The following PDE1A variants were observed in gnomAD, a reference collection of about 807,000 sequenced individuals.
PDE1A encodes dual specificity calcium/calmodulin-dependent 3',5'-cyclic nucleotide phosphodiesterase 1A.
A neutral mutation model predicts 61.7 loss-of-function variants in PDE1A; 35 were observed. The ratio of observed to expected loss-of-function variants is 0.57; its 90% CI spans 0.43 to 0.75. The LOEUF is 0.75. Among genes scored for constraint, PDE1A ranks in the 30% least tolerant of loss-of-function variants. The pLI, the probability that PDE1A is intolerant of heterozygous loss-of-function variation, is 0.00. For synonymous variants in PDE1A, 232 were observed against 213.2 expected, an observed-to-expected ratio of 1.09 and a Z score of -0.77; for missense variants, 597 against 630.6, an observed-to-expected ratio of 0.95 and a Z score of 0.57.
At chr2:182,548,792 G>A in the PDE1A span, among the ~76,000 whole-genome samples, 1 of 152,082 alleles carries the variant, frequency 6.6e-6, no homozygotes, top group Admixed American at 6.5e-5. Context: ...CATTCCCTCA[G>A]ATAGGTCATG....
At chr2:182,380,164 G>A (rs1345717946) in intron 1 of PDE1A, among the ~76,000 whole-genome samples, 1 of 135,802 alleles carries the variant, frequency 7.4e-6, no homozygotes, top group African/African-American at 2.7e-5. Flanking sequence ...AGGCTGGAGT[G>A]CAGTGGCACG....
intron 3 of PDE1A, among the ~76,000 whole-genome samples, chr2:182,236,001 G>A (rs1189595626): frequency 1.3e-5 from 2 of 152,128 alleles, no homozygotes; most frequent in Admixed American, 1.3e-4. Flanking sequence ...TGACTAGTTG[G>A]AAGTTCAGAA....
intron 1 of PDE1A, among the ~76,000 whole-genome samples, chr2:182,369,751 C>G (rs923476568): frequency 6.6e-6 from 1 of 152,002 alleles, no homozygotes; most frequent in African/African-American, 2.4e-5. Context: ...AGCCAAATTG[C>G]AGTGTCATAA....
chr2:182,304,258 T>C (rs1421771576), intron 1 of PDE1A, among the ~76,000 whole-genome samples: 1 of 152,168 alleles, frequency 6.6e-6, no homozygotes, highest in Non-Finnish European at 1.5e-5. Context: ...TTCTCACCTC[T>C]CTCTATCTTC....
At chr2:182,635,947 ATTTTT>A in the PDE1A span, among the ~76,000 whole-genome samples, 41 of 55,286 alleles carry the variant, frequency 7.4e-4, no homozygotes, top group Non-Finnish European at 9.0e-4. Context: ...TCTCACCGGT[ATTTTT>A]TTTTTTTTTT....
the PDE1A span, among the ~76,000 whole-genome samples, chr2:182,631,575 G>A: frequency 6.6e-6 from 1 of 152,056 alleles, no homozygotes; most frequent in African/African-American, 2.4e-5. Context: ...CATCTATCTG[G>A]GCACAATGAA....
At chr2:182,527,323 A>T (rs1559543382), upstream of PDE1A, among the ~76,000 whole-genome samples, 58 of 41,056 alleles carry the variant, frequency 1.4e-3, 1 homozygote, top group African/African-American at 5.8e-3. Context: ...AAAAAAAAAA[A>T]AAAAATATAT....
chr2:182,564,926 G>T, the PDE1A span, among the ~76,000 whole-genome samples: 1 of 152,076 alleles, frequency 6.6e-6, no homozygotes, highest in African/African-American at 2.4e-5. Flanking sequence ...GCACTTCTCT[G>T]TATTGGTTAT....
chr2:182,244,109 C>T (rs557987399), intron 2 of PDE1A, among the ~76,000 whole-genome samples: 133 of 152,168 alleles, frequency 8.7e-4, no homozygotes, highest in Admixed American at 2.3e-3. Context: ...TCAGGTGATC[C>T]GCCCGCCTTG....
chr2:182,154,410 T>G (rs1348275049), intron 13 of PDE1A, among the ~76,000 whole-genome samples: 2 of 152,204 alleles, frequency 1.3e-5, no homozygotes, highest in Non-Finnish European at 2.9e-5. Flanking sequence ...CATTCATCCT[T>G]ATTATGAATG....
intron 10 of PDE1A, among the ~76,000 whole-genome samples, chr2:182,193,936 C>T (rs956410008): frequency 5.3e-5 from 8 of 152,004 alleles, no homozygotes; most frequent in Admixed American, 1.3e-4. Flanking sequence ...TGAGAATGGA[C>T]TAAGTACATT....
At chr2:182,639,283 AAAGT>A in the PDE1A span, among the ~76,000 whole-genome samples, 31 of 152,336 alleles carry the variant, frequency 2.0e-4, no homozygotes, top group Non-Finnish European at 3.7e-4. Flanking sequence ...CTCAGGAAAG[AAAGT>A]GAGGATTAAA....
intron 2 of PDE1A, among the ~76,000 whole-genome samples, chr2:182,483,295 G>T (rs971049691): frequency 3.3e-5 from 5 of 151,952 alleles, no homozygotes; most frequent in Non-Finnish European, 5.9e-5. Context: ...AAATAAAGGG[G>T]TATAGAAGAC....
chr2:182,150,903 T>C (rs1690742020), intron 13 of PDE1A, among the ~76,000 whole-genome samples: 1 of 152,178 alleles, frequency 6.6e-6, no homozygotes, highest in African/African-American at 2.4e-5. Context: ...ATCAAGTGGA[T>C]ATTAGAGACT....
At chr2:182,461,023 T>C (rs1199636075) in intron 2 of PDE1A, among the ~76,000 whole-genome samples, 1 of 152,148 alleles carries the variant, frequency 6.6e-6, no homozygotes, top group Non-Finnish European at 1.5e-5. Context: ...TCTTTACTAT[T>C]TGCCAAAGTT....
chr2:182,197,649 A>G (rs1686247408), intron 10 of PDE1A, among the ~76,000 whole-genome samples: 1 of 151,942 alleles, frequency 6.6e-6, no homozygotes, highest in South Asian at 2.1e-4. Flanking sequence ...CCTTTTGTGG[A>G]AAGACTTTCC....
At chr2:182,684,941 G>T in the PDE1A span, among the ~76,000 whole-genome samples, 1 of 152,096 alleles carries the variant, frequency 6.6e-6, no homozygotes, top group Non-Finnish European at 1.5e-5. Context: ...CAATGAGAAA[G>T]GGAGGGGTAG....
intron 1 of PDE1A, among the ~76,000 whole-genome samples, chr2:182,419,625 C>T (rs2368253): frequency 0.69 from 105,048 of 152,078 alleles, 36,635 homozygotes; most frequent in East Asian, 0.92. Context: ...TTGTTCACCC[C>T]AACAATAGAG....
At chr2:182,624,794 A>G in the PDE1A span, among the ~76,000 whole-genome samples, 2 of 152,172 alleles carry the variant, frequency 1.3e-5, no homozygotes, top group East Asian at 3.9e-4. Context: ...CCAGACAACC[A>G]AGAACAGTTC....
Sources: allele counts gnomAD v4.1 joint callset (sites outside exome capture counted in the v4.1 genomes callset), GRCh38; gene constraint gnomAD v4.1.1; transcripts MANE v1.5; gene names NCBI Gene and HGNC (gene_info 2026-07-23, HGNC 2026-07-21).